The following GRK5 variants were observed in gnomAD, a reference collection of about 807,000 sequenced individuals.
GRK5 encodes the protein g protein-coupled receptor kinase GRK5.
In GRK5, 40 loss-of-function variants were observed where a neutral mutation model predicts 78.4. The observed-to-expected ratio is 0.51, with a 90% CI of 0.40 to 0.66. The LOEUF is 0.66. GRK5 is among the 30% of genes least tolerant of loss of function. The pLI is 0.00. For missense variants in GRK5, 598 were observed against 759.9 expected, an observed-to-expected ratio of 0.79 and a Z score of 2.50; for synonymous variants, 289 against 296.8, an observed-to-expected ratio of 0.97 and a Z score of 0.27.
intron 1 of GRK5, among the ~76,000 whole-genome samples, chr10:119,226,766 TG>T (rs1316753364): frequency 6.6e-6 from 1 of 151,892 alleles, no homozygotes; most frequent in Non-Finnish European, 1.5e-5. Flanking sequence ...TTCACCATGT[TG>T]GTCAGGTTGG....
intron 8 of GRK5, among the ~76,000 whole-genome samples, chr10:119,433,628 T>C (rs1403165651): frequency 6.6e-6 from 1 of 152,152 alleles, no homozygotes; most frequent in African/African-American, 2.4e-5. Context: ...TCTCCTTTCC[T>C]CAAAAATAGC....
intron 1 of GRK5, chr10:119,212,899 G>T (rs1848511676): frequency 6.6e-6 from 1 of 152,338 alleles, no homozygotes; most frequent in Non-Finnish European, 1.5e-5. Flanking sequence ...CTACTCTGGA[G>T]GCTGAGGAAG....
In GRK5 at chr10:119,287,296, GGAAGAA is replaced by G. The variant is rs2133697810; in HGVS notation, c.53-39219_53-39214del. ...AGGAAGGGAGGGAGAGAAGAAAGAG[GGAAGAA>G]AGGAAGGGAGGGAGAGAGGGAGGGA... On this transcript the variant is annotated intron_variant, in intron 1 of 15. Transcript: ENST00000392870. Among the ~76,000 whole-genome samples the G allele has an allele frequency of 2.3e-5, 3 of 131,438 alleles. No homozygotes were observed. In the East Asian group the frequency reaches 7.5e-4, roughly 33 times the overall value. 86.2% of individuals were successfully genotyped at this position (131,438 alleles called of 152,430 possible). A position where few individuals can be genotyped will look rare whatever the true frequency, so the allele number is the denominator to read the frequency against.
rs1257929413 is a variant in GRK5 at position 119,234,666 on chromosome 10, TTTTTC to T, written c.52+26711_52+26715del. 1.0e-3 allele frequency among the ~76,000 whole-genome samples: 154 copies of T among 151,232 alleles called. 1 individual carries two copies. The highest frequency in any genetic ancestry group is 3.6e-3 in the African/African-American group (149 of 41,296). ...TATTCTTTTCTTTTCTCCCTCCCCT[TTTTTC>T]TTTTCTTTTCTTTCTTCTTTTCTTT... On this transcript the variant is annotated intron_variant, in intron 1 of 15. Coordinates refer to ENST00000392870, the MANE Select transcript of GRK5 (RefSeq NM_005308.3).
chr10:119,414,879 T>C (rs1390083962), intron 4 of GRK5, among the ~76,000 whole-genome samples: 1 of 151,778 alleles, frequency 6.6e-6, no homozygotes, highest in Admixed American at 6.6e-5. Context: ...GCCAGGAGTT[T>C]GAGACCAGCC....
At chr10:119,220,851 A>T (rs1848646855) in intron 1 of GRK5, among the ~76,000 whole-genome samples, 1 of 137,014 alleles carries the variant, frequency 7.3e-6, no homozygotes, top group South Asian at 2.3e-4. Flanking sequence ...TGCAAAGGTA[A>T]TACTCACTAA....
intron 1 of GRK5, among the ~76,000 whole-genome samples, chr10:119,287,698 C>T (rs143715647): frequency 2.7e-4 from 41 of 152,284 alleles, no homozygotes; most frequent in African/African-American, 9.4e-4. Flanking sequence ...CAAAGTCCAG[C>T]CCCCCACCCA....
rs537386839 is a variant in GRK5, at chr10:119,430,464, T to C, written c.597+26T>C. 3.1e-6 allele frequency: 5 copies of C among 1,598,036 alleles called. No individual in the cohort carries two copies. In the African/African-American group the frequency reaches 5.4e-5, roughly 17 times the overall value. On this transcript the variant is annotated intron_variant, in intron 7 of 15. Transcript: ENST00000392870. This position sits in a 1 kb window ranked among gnomAD's most constrained non-coding sequence, Gnocchi z 4.5. ...GTGAGTGAACATTCACGTTTTTAAT[T>C]GAAAGTTCTTACATTCAAGTCACCT... is the stretch of plus-strand genomic sequence containing the variant.
intron 1 of GRK5, among the ~76,000 whole-genome samples, chr10:119,323,019 C>T (rs896670583): frequency 6.6e-6 from 1 of 152,220 alleles, no homozygotes; most frequent in Non-Finnish European, 1.5e-5. Context: ...GGGCGAAGCT[C>T]GAGGACATTA....
intron 3 of GRK5, among the ~76,000 whole-genome samples, chr10:119,387,177 T>C (rs1224608405): frequency 6.6e-6 from 1 of 152,156 alleles, no homozygotes; most frequent in African/African-American, 2.4e-5. Context: ...GCTAATTTTG[T>C]ATTTTTAATA....
rs568584208 is a variant in GRK5 at position 119,245,955 on chromosome 10, G to C, written c.52+37986G>C. Among the ~76,000 whole-genome samples, 35 of 141,870 alleles carry C rather than the reference G, an allele frequency of 2.5e-4. No individual in the cohort carries two copies. In the South Asian group the frequency reaches 4.1e-3, roughly 16 times the overall value. The allele number at this position is 141,870 out of a possible 152,430, so 93.1% of individuals were successfully genotyped here. A position where few individuals can be genotyped will look rare whatever the true frequency, so the allele number is the denominator to read the frequency against. The stretch of plus-strand genomic sequence containing the variant: ...GAATGGCGTGAACCCGGGAGGCAGA[G>C]CCTGCAGTGAGCCGAGATCATGCTA... On this transcript the variant is annotated intron_variant, in intron 1 of 15. Coordinates refer to ENST00000392870, the MANE Select transcript of GRK5 (RefSeq NM_005308.3).
chr10:119,346,262 G>A (rs777544796), intron 2 of GRK5, among the ~76,000 whole-genome samples: 3 of 152,206 alleles, frequency 2.0e-5, no homozygotes, highest in Non-Finnish European at 4.4e-5. Context: ...CAGCGGGGCC[G>A]AGGAGAGGTC....
intron 2 of GRK5, among the ~76,000 whole-genome samples, chr10:119,363,600 C>G (rs1183759675): frequency 6.6e-6 from 1 of 152,172 alleles, no homozygotes; most frequent in Non-Finnish European, 1.5e-5. Flanking sequence ...GCATGGTCAC[C>G]CAGTTCCCAG....
chr10:119,285,897 T>C (rs868591239), intron 1 of GRK5, among the ~76,000 whole-genome samples: 1 of 152,080 alleles, frequency 6.6e-6, no homozygotes, highest in African/African-American at 2.4e-5. Context: ...AGAACGTCCT[T>C]GGGCAAGGCT....
chr10:119,436,601 T>C, intron 8 of GRK5, 50 bp from the exon 9 acceptor site: 1 of 1,567,392 alleles, frequency 6.4e-7, no homozygotes. Flanking sequence ...GAAGTGGAAG[T>C]GAGTGGCCAT....
At position 119,367,118 on chromosome 10, in the gene GRK5, A is replaced by G. The variant is rs772551663; in HGVS notation, c.149-13697A>G. ...GTTTCCATTATTGTTATTATAATAC[A>G]TCAGGTGGCAAAGTGGAAAGGCCAG... is the stretch of plus-strand genomic sequence containing the variant. On this transcript the variant is annotated intron_variant, in intron 2 of 15. Coordinates refer to ENST00000392870, the MANE Select transcript of GRK5 (RefSeq NM_005308.3). 4.6e-4 allele frequency among the ~76,000 whole-genome samples: 70 copies of G among 152,220 alleles called. 1 individual carries two copies. Among genetic ancestry groups the G allele is most frequent in the Non-Finnish European group, 5.9e-4 (40 of 68,042 alleles).
At chr10:119,251,238 G>T (rs758940105) in intron 1 of GRK5, among the ~76,000 whole-genome samples, 7 of 152,116 alleles carry the variant, frequency 4.6e-5, no homozygotes, top group African/African-American at 7.2e-5. Context: ...CCATTTGACA[G>T]AATTTCCTGA....
chr10:119,211,952 C>T (rs10510055), intron 1 of GRK5, among the ~76,000 whole-genome samples: 3 of 151,970 alleles, frequency 2.0e-5, no homozygotes, highest in Admixed American at 6.6e-5. Context: ...GTTATTAGAA[C>T]GTTGGAACAT....
chr10:119,433,004 G>T (rs1261161535), intron 8 of GRK5, among the ~76,000 whole-genome samples: 3 of 152,208 alleles, frequency 2.0e-5, no homozygotes, highest in Non-Finnish European at 4.4e-5. Flanking sequence ...CTGGGAGGCA[G>T]AGATTGCAGT....
Sources: allele counts gnomAD v4.1 joint callset (sites outside exome capture counted in the v4.1 genomes callset), GRCh38; gene constraint gnomAD v4.1.1; non-coding constraint Gnocchi (gnomAD v3.1); transcripts MANE v1.5; gene names NCBI Gene and HGNC (gene_info 2026-07-23, HGNC 2026-07-21).